SDK1: variants seen among roughly 807,000 people sequenced by gnomAD.
SDK1 encodes the protein sidekick cell adhesion molecule 1, also known as protein sidekick-1.
In SDK1, 157 loss-of-function variants were observed where a neutral mutation model predicts 245.5. The ratio of observed to expected loss-of-function variants is 0.64; its 90% confidence interval spans 0.56 to 0.73. The LOEUF is 0.73. SDK1 is among the 30% of genes least tolerant of loss of function. The pLI is 0.00. For synonymous variants in SDK1, 1,647 were observed against 1,278.5 expected, an observed-to-expected ratio of 1.29 and a Z score of -6.15; for missense variants, 3,583 against 3,002.3, an observed-to-expected ratio of 1.19 and a Z score of -4.52.
intron 40 of SDK1, chr7:4,227,386 C>T (rs752425279): frequency 2.1e-6 from 1 of 471,240 alleles, no homozygotes; most frequent in South Asian, 1.5e-5. Context: ...ACATGCAATG[C>T]ATTTTGCCTC....
intron 5 of SDK1, among the ~76,000 whole-genome samples, chr7:3,883,856 G>A (rs377380198): frequency 1.1e-4 from 17 of 152,154 alleles, no homozygotes; most frequent in African/African-American, 2.2e-4. Flanking sequence ...TGTCTCCAGC[G>A]TTTTCTCCTT....
chr7:4,073,901 C>T (rs942919230), intron 20 of SDK1, among the ~76,000 whole-genome samples: 3 of 152,328 alleles, frequency 2.0e-5, no homozygotes, highest in African/African-American at 7.2e-5. Flanking sequence ...ACGGCCACAA[C>T]AAGCGATTTA....
Position 4,114,237 on chromosome 7 carries a change from G to A in SDK1, c.3786G>A (p.Pro1262=), listed in dbSNP as rs150613665. ...MQAFNAVGAG[P]WSEVVRGRTR... ...CCTTCAACGCCGTCGGGGCTGGGCC[G>A]TGGAGCGAGGTGGTGCGGGGCCGGA... The change falls in exon 25 of 45, where the codon CCG becomes CCA. Residue 1262 remains proline (P), a synonymous_variant. Transcript: ENST00000404826. The A allele has an allele frequency of 2.0e-4, 319 of 1,611,920 alleles. 1 individual carries two copies. The African/African-American group carries it at 3.1e-3, about 16-fold the overall frequency.
At position 3,821,524 on chromosome 7, in the gene SDK1, C is replaced by T. The variant is rs1198312315; in HGVS notation, c.788C>T (p.Ala263Val). The T allele has an allele frequency of 6.2e-7, 1 of 1,613,774 alleles. No homozygotes were observed. The highest frequency in any genetic ancestry group is 8.5e-7 in the Non-Finnish European group (1 of 1,179,836). Reference sequence around the variant, plus strand: ...GATGCCGGGGCATACTACGTGCAGGCCGTGAATGAGAAAAATGGAGAAAAC... The same window carrying T: ...GATGCCGGGGCATACTACGTGCAGGTCGTGAATGAGAAAAATGGAGAAAAC... ...TSDAGAYYVQ[A>V]VNEKNGENKT... The change falls in exon 5 of 45, where the codon GCC (alanine) becomes GTC (valine). Residue 263 changes from alanine to valine, a missense_variant. Ala to Val is a moderately conservative substitution (Grantham distance 64). Transcript: ENST00000404826.
intron 1 of SDK1, among the ~76,000 whole-genome samples, chr7:3,582,865 G>A (rs572678504): frequency 6.6e-6 from 1 of 152,182 alleles, no homozygotes; most frequent in African/African-American, 2.4e-5. Context: ...TCAGAGCGTG[G>A]CAACAACTTT....
chr7:3,328,145 A>G (rs2128549854), intron 1 of SDK1, among the ~76,000 whole-genome samples: 1 of 152,282 alleles, frequency 6.6e-6, no homozygotes, highest in East Asian at 1.9e-4. Context: ...AATAATGTGG[A>G]AATCTGTAGT....
In SDK1 at chr7:3,514,311, A is replaced by G. The variant is rs1782669473; in HGVS notation, c.299-104769A>G. Reference sequence around the variant, plus strand: ...TTCTTGGGTGTGTCTTTATGTGTGAATTTGTGTTTTCTGTTGATGAAACAA... The same window carrying G: ...TTCTTGGGTGTGTCTTTATGTGTGAGTTTGTGTTTTCTGTTGATGAAACAA... On this transcript the variant is annotated intron_variant, in intron 1 of 44. Transcript: ENST00000404826. 2.0e-5 allele frequency among the ~76,000 whole-genome samples: 3 copies of G among 152,190 alleles called. No homozygotes were observed. The South Asian group carries it at 6.2e-4, about 32-fold the overall frequency.
intron 5 of SDK1, among the ~76,000 whole-genome samples, chr7:3,929,015 C>A: frequency 6.6e-6 from 1 of 152,242 alleles, no homozygotes; most frequent in Admixed American, 6.5e-5. Flanking sequence ...CTTATTCTTT[C>A]TCAGTGTCAC....
chr7:3,865,119 T>C (rs1385587758), intron 5 of SDK1, among the ~76,000 whole-genome samples: 1 of 152,146 alleles, frequency 6.6e-6, no homozygotes, highest in Non-Finnish European at 1.5e-5. Context: ...AGGAAGGGCA[T>C]GTCATACCCC....
At chr7:3,720,308 AAAT>A (rs915043729) in intron 4 of SDK1, among the ~76,000 whole-genome samples, 1 of 152,112 alleles carries the variant, frequency 6.6e-6, no homozygotes, top group Non-Finnish European at 1.5e-5. Context: ...CATGGAAAAA[AAAT>A]TTGTAAACCA....
At chr7:3,568,375 A>AT (rs1212856939) in intron 1 of SDK1, among the ~76,000 whole-genome samples, 1 of 152,024 alleles carries the variant, frequency 6.6e-6, no homozygotes, top group East Asian at 1.9e-4. Flanking sequence ...TTTTCCCTCT[A>AT]TTACCATAGT....
chr7:3,512,082 T>C (rs1782599393), intron 1 of SDK1, among the ~76,000 whole-genome samples: 1 of 151,982 alleles, frequency 6.6e-6, no homozygotes. Flanking sequence ...TACAGAGTCC[T>C]TTCACTGCCC....
At chr7:3,830,692 C>A (rs1180632849) in intron 5 of SDK1, among the ~76,000 whole-genome samples, 1 of 152,080 alleles carries the variant, frequency 6.6e-6, no homozygotes, top group Non-Finnish European at 1.5e-5. Flanking sequence ...GAGACAGGAT[C>A]TGCCCATTGT....
intron 35 of SDK1, among the ~76,000 whole-genome samples, chr7:4,204,429 A>G (rs949560856): frequency 3.9e-5 from 6 of 152,116 alleles, no homozygotes; most frequent in African/African-American, 1.4e-4. Context: ...CAGTGATAAT[A>G]CGGAAACCAC....
chr7:3,438,725 C>T (rs1308867505), intron 1 of SDK1, among the ~76,000 whole-genome samples: 2 of 152,150 alleles, frequency 1.3e-5, no homozygotes, highest in African/African-American at 4.8e-5. Flanking sequence ...AACTCTTAAT[C>T]TTTCTGTCCT....
intron 40 of SDK1, 21 bp from the exon 41 acceptor site, chr7:4,233,234 G>A (rs372247216): frequency 1.1e-5 from 17 of 1,605,084 alleles, no homozygotes; most frequent in African/African-American, 5.3e-5. Flanking sequence ...CTCTGCTCTC[G>A]CCTCCCCATC....
chr7:3,865,179 C>T (rs1442937317), intron 5 of SDK1, among the ~76,000 whole-genome samples: 4 of 152,254 alleles, frequency 2.6e-5, no homozygotes, highest in African/African-American at 7.2e-5. Flanking sequence ...ATAGGAAGCC[C>T]CATCTGAGCC....
At position 3,346,312 on chromosome 7, in the gene SDK1, G is replaced by A. The variant is rs189816340; in HGVS notation, c.298+44428G>A. Among the ~76,000 whole-genome samples the A allele has an allele frequency of 4.2e-3, 634 of 152,184 alleles. 7 individuals carry two copies. Among genetic ancestry groups the A allele is most frequent in the South Asian group, 0.018 (87 of 4,810 alleles). On this transcript the variant is annotated intron_variant, in intron 1 of 44. Transcript: ENST00000404826. ...GGGGACCTTTCCCCTTCACTGAGAG[G>A]TGTCACCTGGGCTAGTGGAGCTCCT...
chr7:4,139,413 A>ATG (rs546299329), intron 28 of SDK1, among the ~76,000 whole-genome samples: 9,508 of 147,530 alleles, frequency 0.064, 1,426 homozygotes, highest in African/African-American at 0.11. Flanking sequence ...GTGTGTGTAT[A>ATG]TGTGTGTGTG....
Sources: gnomAD v4.1 joint callset for allele counts (sites outside exome capture counted in the v4.1 genomes callset) on GRCh38, gnomAD v4.1.1 for gene constraint, MANE v1.5 for transcripts, NCBI Gene and HGNC (gene_info 2026-07-23, HGNC 2026-07-21) for gene names.